The following CTNND2 variants were observed in gnomAD, a reference collection of about 807,000 sequenced individuals.
The protein encoded by CTNND2 is catenin delta-2.
In CTNND2, 22 loss-of-function variants were observed where a neutral mutation model predicts 144.4. That is an observed-to-expected ratio of 0.15 (90% CI 0.11 to 0.22). CTNND2 has a LOEUF of 0.22. Ranked by LOEUF, CTNND2 falls within the 10% of genes least tolerant of loss-of-function variation. CTNND2 has a pLI of 1.00. For synonymous variants in CTNND2, 751 were observed against 695.6 expected (o/e 1.08, Z -1.25); for missense variants, 1,353 against 1,618.8 (o/e 0.84, Z 2.82).
At chr5:11,432,425 G>A (rs1763386463) in intron 3 of CTNND2, among the ~76,000 whole-genome samples, 1 of 152,064 alleles carries the variant, frequency 6.6e-6, no homozygotes, top group Non-Finnish European at 1.5e-5. Context: ...GTGTTGGCAT[G>A]GCCGATTTCT....
intron 18 of CTNND2, among the ~76,000 whole-genome samples, chr5:11,005,740 C>T (rs1172211297): frequency 6.6e-6 from 1 of 152,180 alleles, no homozygotes; most frequent in Non-Finnish European, 1.5e-5. Flanking sequence ...TGGACAGTTA[C>T]AGCTGATGAG....
intron 3 of CTNND2, among the ~76,000 whole-genome samples, chr5:11,424,970 A>G (rs1469260977): frequency 6.6e-6 from 1 of 152,182 alleles, no homozygotes. Flanking sequence ...TGAATGAAAG[A>G]GTTATCCCTG....
intron 3 of CTNND2, among the ~76,000 whole-genome samples, chr5:11,531,888 T>C (rs1157542594): frequency 2.6e-5 from 4 of 152,222 alleles, no homozygotes; most frequent in Non-Finnish European, 4.4e-5. Context: ...ACTTTTTATA[T>C]TTTATTTGGC....
At chr5:11,381,050 G>A (rs1439327647) in intron 7 of CTNND2, among the ~76,000 whole-genome samples, 1 of 152,040 alleles carries the variant, frequency 6.6e-6, no homozygotes, top group Non-Finnish European at 1.5e-5. Context: ...TGTTGGGTGG[G>A]TGGCATCCTT....
At chr5:11,685,665 C>T (rs1201204896) in intron 2 of CTNND2, among the ~76,000 whole-genome samples, 1 of 152,110 alleles carries the variant, frequency 6.6e-6, no homozygotes, top group Admixed American at 6.5e-5. Flanking sequence ...AGTTAAATTC[C>T]ATCAACAAAT....
At chr5:11,357,459 A>C (rs557439072) in intron 8 of CTNND2, among the ~76,000 whole-genome samples, 2 of 152,150 alleles carry the variant, frequency 1.3e-5, no homozygotes, top group Non-Finnish European at 2.9e-5. Context: ...GATCTCACTC[A>C]AACATGGAAT....
intron 1 of CTNND2, among the ~76,000 whole-genome samples, chr5:11,849,282 A>T (rs1262161111): frequency 6.6e-6 from 1 of 152,150 alleles, no homozygotes; most frequent in Non-Finnish European, 1.5e-5. Context: ...TGCCCCCATG[A>T]TTCAATTATC....
At chr5:11,200,608 A>G (rs974431913) in intron 10 of CTNND2, among the ~76,000 whole-genome samples, 1 of 152,164 alleles carries the variant, frequency 6.6e-6, no homozygotes, top group East Asian at 1.9e-4. Flanking sequence ...AGAAAAACTC[A>G]TTCATGTCAC....
At chr5:11,274,086 G>A (rs1383499600) in intron 9 of CTNND2, among the ~76,000 whole-genome samples, 2 of 152,034 alleles carry the variant, frequency 1.3e-5, no homozygotes, top group Non-Finnish European at 2.9e-5. Context: ...TTCAGAACAC[G>A]CTGAACTGAA....
chr5:11,884,164 G>A (rs1736341629), intron 1 of CTNND2, among the ~76,000 whole-genome samples: 1 of 152,142 alleles, frequency 6.6e-6, no homozygotes, highest in Non-Finnish European at 1.5e-5. Context: ...TTGTTGTACA[G>A]AAGCTCTTTA....
intron 1 of CTNND2, among the ~76,000 whole-genome samples, chr5:11,774,439 T>C (rs1423967501): frequency 2.1e-5 from 3 of 145,524 alleles, no homozygotes; most frequent in Non-Finnish European, 3.0e-5. Flanking sequence ...CTGGGAGATA[T>C]ACCTAATGCT....
rs1561401563 is a variant in CTNND2 at position 11,443,252 on chromosome 5, G to GTGGT, written c.288-31184_288-31183insACCA. ...GTGTGTGTGATGTGTGTGTGTGTGT[G>GTGGT]CTGTGTGTGGTGTGTGTGTGGTATG... On this transcript the variant is annotated intron_variant, in intron 3 of 21. Coordinates refer to ENST00000304623, the MANE Select transcript of CTNND2 (RefSeq NM_001332.4). 8.5e-5 allele frequency among the ~76,000 whole-genome samples: 10 copies of GTGGT among 117,066 alleles called. No individual in the cohort carries two copies. In the South Asian group the frequency reaches 1.3e-3, roughly 15 times the overall value. 76.8% of individuals were successfully genotyped at this position (117,066 alleles called of 152,430 possible). A position where few individuals can be genotyped will look rare whatever the true frequency, so the allele number is the denominator to read the frequency against.
Position 11,525,636 on chromosome 5 carries a change from T to C in CTNND2, c.287+39308A>G, listed in dbSNP as rs1036901818. On this transcript the variant is annotated intron_variant, in intron 3 of 21. Coordinates refer to ENST00000304623, the MANE Select transcript of CTNND2 (RefSeq NM_001332.4). ...ACAAGTAAGTTCAGCAGTTCTCAAA[T>C]AGCATCCATCCCTGCCCAGGGCCAC... Among the ~76,000 whole-genome samples, 9 of 152,174 alleles carry C rather than the reference T, an allele frequency of 5.9e-5. No homozygotes were observed. The East Asian group carries it at 1.4e-3, about 23-fold the overall frequency.
At position 11,817,884 on chromosome 5, in the gene CTNND2, T is replaced by C. The variant is rs559701615; in HGVS notation, c.38-85612A>G. On this transcript the variant is annotated intron_variant, in intron 1 of 21. Coordinates refer to ENST00000304623, the MANE Select transcript of CTNND2 (RefSeq NM_001332.4). ...GCTTGGGAAGAAGCACATAATCTGA[T>C]TCGGAAATGGCAGATACAGACTCAA... is the stretch of plus-strand genomic sequence containing the variant. Among the ~76,000 whole-genome samples, 6 of 151,908 alleles carry C rather than the reference T, an allele frequency of 3.9e-5. No homozygotes were observed. In the East Asian group the frequency reaches 1.2e-3, roughly 29 times the overall value.
At chr5:11,713,095 T>C (rs1786128737) in intron 2 of CTNND2, among the ~76,000 whole-genome samples, 1 of 152,222 alleles carries the variant, frequency 6.6e-6, no homozygotes, top group Admixed American at 6.5e-5. Flanking sequence ...TGAAAAATTA[T>C]ATTGACTATG....
chr5:11,365,863 T>TG (rs1266960829), intron 7 of CTNND2, among the ~76,000 whole-genome samples: 1 of 152,174 alleles, frequency 6.6e-6, no homozygotes, highest in Non-Finnish European at 1.5e-5. Context: ...GAGATGGCCT[T>TG]GGGGCATCAA....
At chr5:11,218,154 G>T (rs1739401637) in intron 10 of CTNND2, among the ~76,000 whole-genome samples, 1 of 150,950 alleles carries the variant, frequency 6.6e-6, no homozygotes, top group African/African-American at 2.4e-5. Context: ...ATATAAGATA[G>T]GATTTCTTCA....
intron 2 of CTNND2, among the ~76,000 whole-genome samples, chr5:11,666,472 T>C (rs1353309952): frequency 1.3e-5 from 2 of 152,220 alleles, no homozygotes; most frequent in Non-Finnish European, 2.9e-5. Context: ...TAGATGGGAT[T>C]GTTTCAATAG....
At chr5:11,627,634 T>C (rs1220084921) in intron 2 of CTNND2, among the ~76,000 whole-genome samples, 3 of 151,936 alleles carry the variant, frequency 2.0e-5, no homozygotes, top group Non-Finnish European at 4.4e-5. Flanking sequence ...CTTACAGCAG[T>C]GGTCCCCAAC....
Sources: gnomAD v4.1 joint callset for allele counts (sites outside exome capture counted in the v4.1 genomes callset) on GRCh38, gnomAD v4.1.1 for gene constraint, MANE v1.5 for transcripts, NCBI Gene and HGNC (gene_info 2026-07-23, HGNC 2026-07-21) for gene names.